BTD: variants seen among roughly 807,000 people sequenced by gnomAD.
BTD encodes biocytinase.
In BTD, 13 loss-of-function variants were observed where a neutral mutation model predicts 17.7. The observed-to-expected ratio is 0.74, with a 90% CI of 0.48 to 1.17. The LOEUF is 1.17. Among genes scored for constraint, BTD ranks in the 50% most tolerant of loss-of-function variants. The pLI is 0.00. For missense variants in BTD, 674 were observed against 650.4 expected (o/e 1.04, Z -0.39); for synonymous variants, 240 against 245.2 (o/e 0.98, Z 0.20).
At chr3:15,627,121 T>G (rs2065085721) in intron 1 of BTD, among the ~76,000 whole-genome samples, 1 of 152,222 alleles carries the variant, frequency 6.6e-6, no homozygotes, top group Non-Finnish European at 1.5e-5. Context: ...TCATTCTTGA[T>G]TGAGCTCTGC....
intron 1 of BTD, among the ~76,000 whole-genome samples, chr3:15,607,995 C>T (rs1381125167): frequency 6.6e-6 from 1 of 152,218 alleles, no homozygotes; most frequent in Admixed American, 6.5e-5. Context: ...AGGCTTGAAA[C>T]AAACCCAGTG....
chr3:15,707,434 C>T (rs566588233), intron 3 of BTD, among the ~76,000 whole-genome samples: 25 of 152,338 alleles, frequency 1.6e-4, no homozygotes, highest in African/African-American at 5.5e-4. Context: ...GTAGTACCTA[C>T]TACGTACCAG....
chr3:15,714,657 C>T (rs1351715606), downstream of BTD: 1 of 1,581,248 alleles, frequency 6.3e-7, no homozygotes, highest in African/African-American at 1.4e-5. Flanking sequence ...CATCTTTACT[C>T]TGGGGGGGGA....
chr3:15,659,034 T>C (rs150967171), intron 3 of BTD, among the ~76,000 whole-genome samples: 182 of 152,286 alleles, frequency 1.2e-3, no homozygotes, highest in African/African-American at 4.2e-3. Flanking sequence ...CCCCATCAGG[T>C]TGTAAACTCC....
intron 3 of BTD, among the ~76,000 whole-genome samples, chr3:15,660,946 C>T (rs1175577425): frequency 6.6e-6 from 1 of 152,086 alleles, no homozygotes. Context: ...GTGGCTGAGC[C>T]ATTTTGCGTT....
At chr3:15,601,459 G>A, upstream of BTD, 1 of 1,613,046 alleles carries the variant, frequency 6.2e-7, no homozygotes, top group African/African-American at 1.3e-5. Context: ...GTTACTGTCC[G>A]GCATCTTCCA....
intron 3 of BTD, among the ~76,000 whole-genome samples, chr3:15,671,668 T>C (rs147907955): frequency 0.015 from 2,205 of 151,494 alleles, 58 homozygotes; most frequent in African/African-American, 0.05. Flanking sequence ...ACTGCAACCT[T>C]TGCCTCCTGG....
In BTD at chr3:15,678,566, T is replaced by C. The variant is rs183838543; in HGVS notation, c.400-31494T>C. On this transcript the variant is annotated intron_variant, in intron 3 of 3. Coordinates refer to the BTD transcript ENST00000672141. ...ATAATACAGAAGGCTTTAATTAAAC[T>C]AGAACTAGTATGAAGTAAAGATTAA... Among the ~76,000 whole-genome samples, 17 of 152,338 alleles carry C rather than the reference T, an allele frequency of 1.1e-4. No homozygotes were observed. The East Asian group carries it at 2.1e-3, about 19-fold the overall frequency.
At chr3:15,691,057 T>C (rs1575168729) in intron 3 of BTD, among the ~76,000 whole-genome samples, 2 of 151,962 alleles carry the variant, frequency 1.3e-5, no homozygotes, top group Admixed American at 1.3e-4. Context: ...TGCTTGAATA[T>C]CACCACATAC....
chr3:15,659,656 G>A (rs1559288896), intron 3 of BTD, among the ~76,000 whole-genome samples: 1 of 152,112 alleles, frequency 6.6e-6, no homozygotes, highest in Non-Finnish European at 1.5e-5. Flanking sequence ...TATCATTAAC[G>A]ACTTCTATTC....
At chr3:15,683,054 T>C (rs183423196) in intron 3 of BTD, among the ~76,000 whole-genome samples, 40 of 152,320 alleles carry the variant, frequency 2.6e-4, no homozygotes, top group Admixed American at 2.6e-3. Context: ...ATGTTCTACA[T>C]ATAGATCTGA....
chr3:15,635,450 C>A lies in BTD; in HGVS notation c.11C>A (p.Ala4Asp). 1 of 1,614,202 alleles carries A rather than the reference C, an allele frequency of 6.2e-7. No individual in the cohort carries two copies. Among genetic ancestry groups the A allele is most frequent in the Non-Finnish European group, 8.5e-7 (1 of 1,180,038 alleles). Residue 4 changes from alanine (A) to aspartate (D), a missense_variant, in exon 2 of 4, where the codon GCC (alanine) becomes GAC (aspartate). Transcript: ENST00000643237. The surrounding 1 kb of genome is among the most constrained non-coding windows in gnomAD (Gnocchi z 4.1). Reference protein sequence around the residue: MSGARSKLALFLCG... With the variant: MSGDRSKLALFLCG... ...TTTGTGGTCTGCATTATGTCTGGAG[C>A]CAGAAGTAAGCTTGCTCTTTTCCTC...
Position 15,663,385 on chromosome 3 carries a change from G to GA in BTD, c.399+21332dup, listed in dbSNP as rs533115709. Among the ~76,000 whole-genome samples, 254 of 152,266 alleles carry GA rather than the reference G, an allele frequency of 1.7e-3. 1 individual carries two copies. Among genetic ancestry groups the GA allele is most frequent in the Admixed American group, 6.5e-3 (99 of 15,298 alleles). On this transcript the variant is annotated intron_variant, in intron 3 of 3. Transcript: ENST00000672141. ...TATATTTTTTCTGCTTCTATCTCTG[G>GA]AAAACACTGTATAGAATTGGTATAA... is the stretch of plus-strand genomic sequence containing the variant.
At chr3:15,676,978 G>C in intron 3 of BTD, 2 of 1,612,142 alleles carry the variant, frequency 1.2e-6, no homozygotes, top group Non-Finnish European at 1.7e-6. Context: ...ACTCACGTTT[G>C]CAAGGCTGCG....
chr3:15,714,661 G>A (rs185743315), downstream of BTD: 12 of 1,576,954 alleles, frequency 7.6e-6, no homozygotes, highest in Admixed American at 6.0e-5. Context: ...TTTACTCTGG[G>A]GGGGGAAGAA....
chr3:15,706,760 T>C (rs192606153), intron 3 of BTD, among the ~76,000 whole-genome samples: 1 of 152,346 alleles, frequency 6.6e-6, no homozygotes, highest in East Asian at 1.9e-4. Flanking sequence ...TGTTGTTTCC[T>C]GACTTTTTAA....
At chr3:15,691,248 C>T (rs929588165) in intron 3 of BTD, among the ~76,000 whole-genome samples, 5 of 152,024 alleles carry the variant, frequency 3.3e-5, no homozygotes, top group Non-Finnish European at 7.4e-5. Context: ...CTCAGTCTCC[C>T]GAGTAGCTGG....
At chr3:15,682,829 T>C (rs538584425) in intron 3 of BTD, among the ~76,000 whole-genome samples, 1 of 152,360 alleles carries the variant, frequency 6.6e-6, no homozygotes, top group South Asian at 2.1e-4. Context: ...GCTGTCTATA[T>C]AGTCGCTTAT....
chr3:15,622,086 C>G (rs1383234598), intron 1 of BTD, among the ~76,000 whole-genome samples: 1 of 151,242 alleles, frequency 6.6e-6, no homozygotes, highest in Non-Finnish European at 1.5e-5. Context: ...ATTGATTTTT[C>G]TTGATCTTTT....
Sources: allele counts gnomAD v4.1 joint callset (sites outside exome capture counted in the v4.1 genomes callset), GRCh38; gene constraint gnomAD v4.1.1; non-coding constraint Gnocchi (gnomAD v3.1); transcripts MANE v1.5; gene names NCBI Gene and HGNC (gene_info 2026-07-23, HGNC 2026-07-21).